Variants in COG5 observed in about 807,000 individuals in gnomAD.
The protein encoded by COG5 is component of oligomeric golgi complex 5, also known as conserved oligomeric Golgi complex subunit 5.
In COG5, 86 loss-of-function variants were observed where a neutral mutation model predicts 110.4. That is an observed-to-expected ratio of 0.78 (90% CI 0.65 to 0.93). The LOEUF (loss-of-function observed/expected upper bound fraction) is 0.93. Ranked by LOEUF, COG5 falls within the 40% of genes least tolerant of loss-of-function variation. COG5 has a pLI of 0.00. For missense variants in COG5, 1,077 were observed against 987.0 expected (o/e 1.09, Z -1.22); for synonymous variants, 360 against 334.6 (o/e 1.08, Z -0.83).
chr7:107,446,427 C>A (rs545505822), intron 6 of COG5, among the ~76,000 whole-genome samples: 1 of 152,126 alleles, frequency 6.6e-6, no homozygotes, highest in Admixed American at 6.6e-5. Context: ...CACATACTTA[C>A]GGTAACCAGC....
At chr7:107,236,774 AT>A in intron 17 of COG5, 87 bp from the exon 18 acceptor site, 2 of 859,908 alleles carry the variant, frequency 2.3e-6, no homozygotes, top group East Asian at 4.8e-5. Flanking sequence ...CAATGCTGCT[AT>A]TTCAATCCTT....
At chr7:107,458,146 GAA>G (rs1459630691) in intron 6 of COG5, among the ~76,000 whole-genome samples, 1 of 152,140 alleles carries the variant, frequency 6.6e-6, no homozygotes, top group Non-Finnish European at 1.5e-5. Context: ...ATTATTGAGT[GAA>G]AGTCAAAAAT....
At chr7:107,209,120 GAACTC>G (rs1798978471) in intron 21 of COG5, 1 of 985,498 alleles carries the variant, frequency 1.0e-6, no homozygotes, top group Non-Finnish European at 1.2e-6. Flanking sequence ...TGGCTTTAGG[GAACTC>G]AACTCATCAC....
At chr7:107,437,986 T>C (rs1376705085) in intron 6 of COG5, among the ~76,000 whole-genome samples, 1 of 152,174 alleles carries the variant, frequency 6.6e-6, no homozygotes, top group African/African-American at 2.4e-5. Flanking sequence ...CAAAGACTTA[T>C]GGGAAAGTTT....
intron 14 of COG5, among the ~76,000 whole-genome samples, chr7:107,280,769 C>A (rs1805103296): frequency 6.6e-6 from 1 of 151,910 alleles, no homozygotes; most frequent in African/African-American, 2.4e-5. Context: ...ATAGCTATTT[C>A]AAATAGAATA....
intron 7 of COG5, among the ~76,000 whole-genome samples, chr7:107,384,077 A>G (rs1023683122): frequency 2.0e-5 from 3 of 152,130 alleles, no homozygotes; most frequent in Non-Finnish European, 4.4e-5. Context: ...ATTTTGATAC[A>G]TGTCTTCTAA....
intron 5 of COG5, among the ~76,000 whole-genome samples, chr7:107,538,323 G>A (rs372535894): frequency 6.6e-6 from 1 of 152,124 alleles, no homozygotes; most frequent in South Asian, 2.1e-4. Context: ...AGCACACCTG[G>A]TCTGACCAAT....
At position 107,202,879 on chromosome 7, in the gene COG5, G is replaced by A. The variant is rs918324534; in HGVS notation, c.*637C>T. 1 of 152,466 alleles carries A rather than the reference G, an allele frequency of 6.6e-6. No individual in the cohort carries two copies. Among genetic ancestry groups the A allele is most frequent in the Non-Finnish European group, 1.5e-5 (1 of 68,384 alleles). 9.4% of individuals were successfully genotyped at this position (152,466 alleles called of 1,614,324 possible). On this transcript the variant is annotated 3_prime_UTR_variant, in exon 22 of 22. Transcript: ENST00000297135. The stretch of plus-strand genomic sequence containing the variant: ...CTTGCTTTATTTAAAGATCCAGTAT[G>A]ACATACTTAAAAAGGCCATTTAACC...
rs377434527 is a variant in COG5, at chr7:107,307,595, T to C, written c.1109-9249A>G. On this transcript the variant is annotated intron_variant, in intron 11 of 21. Coordinates refer to ENST00000297135, the MANE Select transcript of COG5 (RefSeq NM_006348.5). ...CACTCATAATCACAAGTATATCTAA[T>C]AGTAGGAACTATTTTCTTTATATAG... Among the ~76,000 whole-genome samples the C allele has an allele frequency of 1.7e-3, 252 of 152,332 alleles. 1 individual carries two copies. Among genetic ancestry groups the C allele is most frequent in the Non-Finnish European group, 2.6e-3 (176 of 68,028 alleles).
intron 10 of COG5, among the ~76,000 whole-genome samples, chr7:107,342,382 A>C (rs927538572): frequency 3.3e-5 from 5 of 151,520 alleles, no homozygotes; most frequent in African/African-American, 7.2e-5. Flanking sequence ...AAAAAAAAAA[A>C]AAAACACACC....
intron 6 of COG5, among the ~76,000 whole-genome samples, chr7:107,508,982 C>T (rs1419449581): frequency 6.6e-6 from 1 of 152,142 alleles, no homozygotes; most frequent in South Asian, 2.1e-4. Context: ...CCCTAAAAAT[C>T]AGAGCGCCTC....
At chr7:107,435,070 G>A (rs1794282869) in intron 6 of COG5, among the ~76,000 whole-genome samples, 1 of 152,022 alleles carries the variant, frequency 6.6e-6, no homozygotes, top group South Asian at 2.1e-4. Flanking sequence ...GACAAACACT[G>A]TCTGATTCTA....
At chr7:107,218,152 A>T (rs1477854798) in intron 19 of COG5, among the ~76,000 whole-genome samples, 1 of 152,100 alleles carries the variant, frequency 6.6e-6, no homozygotes, top group Non-Finnish European at 1.5e-5. Context: ...TAACCATGGA[A>T]GTGAAAGATT....
At chr7:107,506,534 T>G (rs888270142) in intron 6 of COG5, among the ~76,000 whole-genome samples, 29 of 152,164 alleles carry the variant, frequency 1.9e-4, no homozygotes, top group Non-Finnish European at 5.9e-5. Context: ...TAACTGTCTC[T>G]GCTGCACAGA....
At chr7:107,345,145 G>A (rs969856704) in intron 10 of COG5, among the ~76,000 whole-genome samples, 4 of 152,116 alleles carry the variant, frequency 2.6e-5, no homozygotes, top group African/African-American at 9.7e-5. Flanking sequence ...ATGGCCAGTT[G>A]GTGGAGCAGT....
At chr7:107,535,375 G>A (rs1801510821) in intron 5 of COG5, among the ~76,000 whole-genome samples, 1 of 151,530 alleles carries the variant, frequency 6.6e-6, no homozygotes, top group South Asian at 2.1e-4. Flanking sequence ...AATGAATCCA[G>A]GAGCTAGTTT....
intron 18 of COG5, among the ~76,000 whole-genome samples, chr7:107,233,309 C>G (rs1800914730): frequency 6.6e-6 from 1 of 152,180 alleles, no homozygotes; most frequent in Non-Finnish European, 1.5e-5. Flanking sequence ...GATTTCAGAA[C>G]TGCTGTGTGA....
At chr7:107,484,022 A>G (rs1444521913) in intron 6 of COG5, among the ~76,000 whole-genome samples, 1 of 152,120 alleles carries the variant, frequency 6.6e-6, no homozygotes, top group African/African-American at 2.4e-5. Flanking sequence ...TAAATGTTAG[A>G]TATAATTTTA....
At chr7:107,315,811 C>G (rs1808674397) in intron 11 of COG5, among the ~76,000 whole-genome samples, 1 of 152,152 alleles carries the variant, frequency 6.6e-6, no homozygotes, top group South Asian at 2.1e-4. Flanking sequence ...ACTTTATAAA[C>G]AACTTACTTT....
Sources: allele counts gnomAD v4.1 joint callset (sites outside exome capture counted in the v4.1 genomes callset), GRCh38; gene constraint gnomAD v4.1.1; transcripts MANE v1.5; gene names NCBI Gene and HGNC (gene_info 2026-07-23, HGNC 2026-07-21).